Variants in RUSC2 observed in about 807,000 individuals in gnomAD.
RUSC2 encodes AP-4 complex accessory subunit RUSC2.
Under a neutral mutation model 122.2 loss-of-function variants are expected in RUSC2, and 34 were observed. The observed-to-expected ratio is 0.28, with a 90% CI of 0.21 to 0.37. The LOEUF (loss-of-function observed/expected upper bound fraction) is 0.37. RUSC2 is among the 10% of genes least tolerant of loss of function. RUSC2 has a pLI of 1.00. For synonymous variants in RUSC2, 784 were observed against 790.0 expected (o/e 0.99, Z 0.13); for missense variants, 1,747 against 1,952.4 (o/e 0.89, Z 1.98).
rs1587868901 is a variant in RUSC2, at chr9:35,555,792, T to C, written c.2656+91T>C. ...TTGAGTGGTTGCTTACACTCTCACC[T>C]GGGGCCAGAGGTTAGGATGTCTGCA... On this transcript the variant is annotated intron_variant, in intron 3 of 11. Transcript: ENST00000361226. The surrounding 1 kb of genome is among the most constrained non-coding windows in gnomAD (Gnocchi z 4.6). 6.7e-7 allele frequency: 1 copy of C among 1,487,312 alleles called. No individual in the cohort carries two copies. Among genetic ancestry groups the C allele is most frequent in the Non-Finnish European group, 9.0e-7 (1 of 1,111,644 alleles). The allele number at this position is 1,487,312 out of a possible 1,614,324, so 92.1% of individuals were successfully genotyped here.
At chr9:35,495,434 C>T (rs1007510412) in intron 1 of RUSC2, among the ~76,000 whole-genome samples, 1 of 150,540 alleles carries the variant, frequency 6.6e-6, no homozygotes, top group Non-Finnish European at 1.5e-5. Flanking sequence ...CTGACCTTTC[C>T]CCACTGAATG....
chr9:35,541,468 A>T (rs1481501258), intron 1 of RUSC2, among the ~76,000 whole-genome samples: 2 of 150,940 alleles, frequency 1.3e-5, no homozygotes. Flanking sequence ...TTTTTTTAAG[A>T]CAGACTCTCG....
intron 1 of RUSC2, among the ~76,000 whole-genome samples, chr9:35,517,314 G>A (rs1821127168): frequency 6.6e-6 from 1 of 152,220 alleles, no homozygotes; most frequent in Non-Finnish European, 1.5e-5. Context: ...AATACTCAGG[G>A]ATCGCTGGGC....
chr9:35,539,373 C>T (rs1011120955), intron 1 of RUSC2, among the ~76,000 whole-genome samples: 1 of 152,000 alleles, frequency 6.6e-6, no homozygotes, highest in African/African-American at 2.4e-5. Flanking sequence ...CAGATCTCAT[C>T]CTTCCTTTTT....
chr9:35,493,695 G>C (rs369372898), intron 1 of RUSC2, among the ~76,000 whole-genome samples: 1 of 152,016 alleles, frequency 6.6e-6, no homozygotes, highest in East Asian at 1.9e-4. Flanking sequence ...TAGAGAGGGG[G>C]TTTCACCACG....
rs555705561 is a variant in RUSC2, at chr9:35,560,816, C to T, written c.4176C>T (p.Ser1392=). ...TCAAGTGGGGACACCTCTTTGGCTC[C>T]CGAAAAGCCCAGCGGGAGGCCCGGC... The part of the protein sequence containing the change: ...GGIKWGHLFG[S]RKAQREARPT... The change falls in exon 10 of 12, where the codon TCC becomes TCT. Residue 1392 remains serine, a synonymous_variant. Coordinates refer to ENST00000361226, the MANE Select transcript of RUSC2 (RefSeq NM_014806.5). 1.9e-5 allele frequency: 29 copies of T among 1,528,530 alleles called. No individual in the cohort carries two copies. The South Asian group carries it at 3.6e-4, about 19-fold the overall frequency. 94.7% of individuals were successfully genotyped at this position (1,528,530 alleles called of 1,614,324 possible). A position where few individuals can be genotyped will look rare whatever the true frequency, so the allele number is the denominator to read the frequency against.
At chr9:35,556,686 G>A (rs1288132064) in intron 5 of RUSC2, among the ~76,000 whole-genome samples, 1 of 152,214 alleles carries the variant, frequency 6.6e-6, no homozygotes, top group Non-Finnish European at 1.5e-5. Flanking sequence ...AATTAGCTGG[G>A]TGTTGTGGTG....
At chr9:35,528,234 A>G (rs1356281691) in intron 1 of RUSC2, among the ~76,000 whole-genome samples, 2 of 151,966 alleles carry the variant, frequency 1.3e-5, no homozygotes, top group Non-Finnish European at 2.9e-5. Context: ...AAAAATTTAA[A>G]CATTAGCCAG....
chr9:35,560,229 G>A lies in RUSC2; in HGVS notation c.3589G>A (p.Asp1197Asn), dbSNP rs1378800041. The A allele has an allele frequency of 6.2e-7, 1 of 1,603,380 alleles. No homozygotes were observed. Among genetic ancestry groups the A allele is most frequent in the African/African-American group, 1.3e-5 (1 of 74,894 alleles). Residue 1197 changes from aspartate to asparagine, a missense_variant, in exon 10 of 12, where the codon GAC (aspartate) becomes AAC (asparagine). By Grantham distance (23) the Asp-to-Asn change is conservative. Transcript: ENST00000361226. The part of the protein sequence containing the change: ...QHKELLRVSQ[D>N]LLLSAHSTLQ... ...CAAGGAACTGCTGCGGGTGTCCCAG[G>A]ACCTGCTGCTGTCTGCCCACTCCAC... is the stretch of plus-strand genomic sequence containing the variant.
intron 1 of RUSC2, among the ~76,000 whole-genome samples, chr9:35,524,178 G>C (rs1316672911): frequency 6.6e-6 from 1 of 151,880 alleles, no homozygotes; most frequent in Non-Finnish European, 1.5e-5. Flanking sequence ...CAAAAAATTA[G>C]CTAGGCATGG....
intron 2 of RUSC2, among the ~76,000 whole-genome samples, chr9:35,550,222 A>AG (rs1163957845): frequency 3.1e-4 from 47 of 151,638 alleles, no homozygotes; most frequent in Non-Finnish European, 6.3e-4. Flanking sequence ...AAAAAAAAAA[A>AG]AAAGTAATTG....
chr9:35,503,564 C>A lies in RUSC2; in HGVS notation c.-93+13392C>A, dbSNP rs749230753. 2.6e-4 allele frequency among the ~76,000 whole-genome samples: 39 copies of A among 152,112 alleles called. 1 individual carries two copies. Among genetic ancestry groups the A allele is most frequent in the Non-Finnish European group, 4.1e-4 (28 of 68,028 alleles). Reference sequence around the variant, plus strand: ...CAATTGCCAATCGTGCTGCTATAAACGTGTGTACATGTGTCTTTTTCATAT... The same window carrying A: ...CAATTGCCAATCGTGCTGCTATAAAAGTGTGTACATGTGTCTTTTTCATAT... On this transcript the variant is annotated intron_variant, in intron 1 of 11. Transcript: ENST00000361226.
In RUSC2 at chr9:35,543,812, C is replaced by T. The variant is rs146972957; in HGVS notation, c.-92-2618C>T. The stretch of plus-strand genomic sequence containing the variant: ...TTTCTATGGATTTGCCTATTCTGGA[C>T]ATTTCATATAAATGGAATCATACAA... On this transcript the variant is annotated intron_variant, in intron 1 of 11. Coordinates refer to ENST00000361226, the MANE Select transcript of RUSC2 (RefSeq NM_014806.5). Among the ~76,000 whole-genome samples, 1,379 of 152,294 alleles carry T rather than the reference C, an allele frequency of 9.1e-3. 22 individuals carry two copies. Among genetic ancestry groups the T allele is most frequent in the African/African-American group, 0.032 (1,314 of 41,558 alleles).
chr9:35,547,051 T>C lies in RUSC2; in HGVS notation c.530T>C (p.Val177Ala). 2 of 1,611,726 alleles carry C rather than the reference T, an allele frequency of 1.2e-6. No individual in the cohort carries two copies. Among genetic ancestry groups the C allele is most frequent in the East Asian group, 2.2e-5 (1 of 44,826 alleles). Residue 177 changes from valine to alanine, a missense_variant, in exon 2 of 12, where the codon GTG becomes GCG. By Grantham distance (64) the Val-to-Ala change is moderately conservative (BLOSUM62 0). Transcript: ENST00000361226. This position sits in a 1 kb window ranked among gnomAD's most constrained non-coding sequence, Gnocchi z 4.6. ...GTGGAAGGGCAGGAACAGGAGCCAG[T>C]GATGACCTTGGATACTCAGCAGTGC... is the stretch of plus-strand genomic sequence containing the variant. ...GVVEGQEQEPVMTLDTQQCGT... is the reference protein window; with the variant it reads ...GVVEGQEQEPAMTLDTQQCGT...
chr9:35,523,514 GA>G (rs577097074), intron 1 of RUSC2, among the ~76,000 whole-genome samples: 3 of 150,980 alleles, frequency 2.0e-5, no homozygotes, highest in Non-Finnish European at 3.0e-5. Context: ...TCTTCACAAT[GA>G]AAAAAAAAGC....
chr9:35,540,748 C>A (rs922294998), intron 1 of RUSC2, among the ~76,000 whole-genome samples: 2 of 152,162 alleles, frequency 1.3e-5, no homozygotes, highest in Non-Finnish European at 1.5e-5. Context: ...AGGTAGGAAG[C>A]AGATGCTCTG....
chr9:35,517,577 T>C (rs1032530846), intron 1 of RUSC2, among the ~76,000 whole-genome samples: 1 of 152,252 alleles, frequency 6.6e-6, no homozygotes, highest in African/African-American at 2.4e-5. Context: ...CTTTTGCTTA[T>C]GTATTTCTAA....
Position 35,561,455 on chromosome 9 carries a change from C to G in RUSC2, c.*73C>G. ...TCAGAGCCCGAGAGCCCTTCCCAAG[C>G]CATTGGCTTGGCTGCAGAGTAGACT... On this transcript the variant is annotated 3_prime_UTR_variant, in exon 12 of 12. Coordinates refer to ENST00000361226, the MANE Select transcript of RUSC2 (RefSeq NM_014806.5). The G allele has an allele frequency of 1.5e-6, 2 of 1,330,238 alleles. No homozygotes were observed. Among genetic ancestry groups the G allele is most frequent in the African/African-American group, 2.9e-5 (2 of 68,212 alleles). The allele number at this position is 1,330,238 out of a possible 1,614,324, so 82.4% of individuals were successfully genotyped here. A position where few individuals can be genotyped will look rare whatever the true frequency, so the allele number is the denominator to read the frequency against.
chr9:35,514,193 A>G (rs1014079861), intron 1 of RUSC2, among the ~76,000 whole-genome samples: 5 of 152,120 alleles, frequency 3.3e-5, no homozygotes, highest in African/African-American at 4.8e-5. Flanking sequence ...ATAAACAAGT[A>G]TAAAACACAA....
Sources: allele counts gnomAD v4.1 joint callset (sites outside exome capture counted in the v4.1 genomes callset), GRCh38; gene constraint gnomAD v4.1.1; non-coding constraint Gnocchi (gnomAD v3.1); transcripts MANE v1.5; gene names NCBI Gene and HGNC (gene_info 2026-07-23, HGNC 2026-07-21).